The following TENM3 variants were observed in gnomAD, a reference collection of about 807,000 sequenced individuals.
TENM3 encodes teneurin-3.
A neutral mutation model predicts 255.1 loss-of-function variants in TENM3; 63 were observed. The observed-to-expected ratio is 0.25, with a 90% CI of 0.20 to 0.30. TENM3 has a LOEUF of 0.30. Among genes scored for constraint, TENM3 ranks in the 10% least tolerant of loss-of-function variants. TENM3 has a pLI of 1.00. For synonymous variants in TENM3, 1,306 were observed against 1,322.3 expected (o/e 0.99, Z 0.27); for missense variants, 2,929 against 3,461.1 (o/e 0.85, Z 3.86).
the TENM3 span, among the ~76,000 whole-genome samples, chr4:181,840,275 G>A: frequency 6.6e-6 from 1 of 151,852 alleles, no homozygotes; most frequent in African/African-American, 2.4e-5. Context: ...AGACATTTTA[G>A]TATACTTATT....
chr4:181,612,866 A>C, the TENM3 span, among the ~76,000 whole-genome samples: 12 of 152,340 alleles, frequency 7.9e-5, no homozygotes, highest in African/African-American at 1.7e-4. Flanking sequence ...AATAAAAAAG[A>C]TACAACACTA....
At chr4:182,706,667 T>G (rs1758302627) in intron 12 of TENM3, among the ~76,000 whole-genome samples, 1 of 152,140 alleles carries the variant, frequency 6.6e-6, no homozygotes, top group Admixed American at 6.6e-5. Flanking sequence ...AAGCAGATAT[T>G]AACACTCTGC....
intron 3 of TENM3, among the ~76,000 whole-genome samples, chr4:182,351,439 C>T (rs1405643715): frequency 1.3e-5 from 2 of 152,200 alleles, no homozygotes; most frequent in African/African-American, 4.8e-5. Context: ...GGCTCACATT[C>T]TTTCATTCAT....
chr4:181,477,496 T>C, the TENM3 span, among the ~76,000 whole-genome samples: 1 of 152,188 alleles, frequency 6.6e-6, no homozygotes, highest in African/African-American at 2.4e-5. Flanking sequence ...ATATTTGGGA[T>C]ATTTTATTAG....
intron 3 of TENM3, among the ~76,000 whole-genome samples, chr4:182,544,455 C>T (rs1447809155): frequency 6.7e-6 from 1 of 149,704 alleles, no homozygotes; most frequent in African/African-American, 2.5e-5. Context: ...CTCAGTCTCT[C>T]GAGTAGCCGG....
chr4:181,909,098 G>T, the TENM3 span, among the ~76,000 whole-genome samples: 1 of 152,084 alleles, frequency 6.6e-6, no homozygotes, highest in Non-Finnish European at 1.5e-5. Context: ...GCACCTAGAA[G>T]AATTTCTCTC....
At chr4:182,281,938 G>T (rs1027216809) in intron 1 of TENM3, among the ~76,000 whole-genome samples, 1 of 152,066 alleles carries the variant, frequency 6.6e-6, no homozygotes, top group African/African-American at 2.4e-5. Context: ...GTTTCGCCAT[G>T]TTGGCCAGGC....
At chr4:181,555,563 A>C in the TENM3 span, among the ~76,000 whole-genome samples, 1 of 152,218 alleles carries the variant, frequency 6.6e-6, no homozygotes, top group African/African-American at 2.4e-5. Flanking sequence ...TCTGCTTCTA[A>C]CTTAGGCTTT....
At chr4:181,505,071 C>T in the TENM3 span, among the ~76,000 whole-genome samples, 1 of 152,300 alleles carries the variant, frequency 6.6e-6, no homozygotes, top group South Asian at 2.1e-4. Context: ...CTTGTGTTGT[C>T]ATGCACATAA....
the TENM3 span, among the ~76,000 whole-genome samples, chr4:181,994,352 A>G: frequency 5.3e-5 from 8 of 152,134 alleles, no homozygotes; most frequent in Non-Finnish European, 7.4e-5. Context: ...TACAATAAGG[A>G]TGTCTTAAAA....
At chr4:181,849,965 A>T in the TENM3 span, among the ~76,000 whole-genome samples, 5 of 137,926 alleles carry the variant, frequency 3.6e-5, no homozygotes, top group African/African-American at 1.4e-4. Flanking sequence ...ACACACACAC[A>T]CACACACACA....
the TENM3 span, among the ~76,000 whole-genome samples, chr4:181,701,155 T>C: frequency 5.9e-5 from 9 of 152,260 alleles, no homozygotes; most frequent in Non-Finnish European, 7.3e-5. Context: ...TTGTTAAAGG[T>C]AAGGCAGGTC....
At position 182,681,983 on chromosome 4, in the gene TENM3, C is replaced by T. The variant is rs756021272; in HGVS notation, c.2004C>T (p.Asp668=). 5 of 1,613,912 alleles carry T rather than the reference C, an allele frequency of 3.1e-6. No homozygotes were observed. The East Asian group carries it at 6.7e-5, about 22-fold the overall frequency. Residue 668 remains aspartate (D), a synonymous_variant, in exon 11 of 28, where the codon GAC becomes GAT. Coordinates refer to ENST00000511685, the MANE Select transcript of TENM3 (RefSeq NM_001080477.4). Reference sequence around the variant, plus strand: ...AAGAAAGTGGCTCCTGCACGTGTGACCCTAACTGGACTGGCCCAGACTGCT... The same window carrying T: ...AAGAAAGTGGCTCCTGCACGTGTGATCCTAACTGGACTGGCCCAGACTGCT... The part of the protein sequence containing the change: ...YLQESGSCTC[D]PNWTGPDCSN...
At chr4:182,513,776 A>G (rs62337225) in intron 3 of TENM3, among the ~76,000 whole-genome samples, 11,579 of 152,124 alleles carry the variant, frequency 0.076, 500 homozygotes, top group East Asian at 0.11. Context: ...ACTCGCCCAC[A>G]AGTGCACTTT....
At chr4:182,269,227 G>A (rs765089070) in intron 1 of TENM3, among the ~76,000 whole-genome samples, 1 of 152,166 alleles carries the variant, frequency 6.6e-6, no homozygotes, top group Non-Finnish European at 1.5e-5. Context: ...CTTCAGGGGT[G>A]TTTCTGTGAG....
At chr4:182,755,717 G>A (rs1407344912) in intron 22 of TENM3, among the ~76,000 whole-genome samples, 2 of 152,100 alleles carry the variant, frequency 1.3e-5, no homozygotes, top group African/African-American at 4.8e-5. Context: ...GCGGGCGCCT[G>A]TAGTCCCAGC....
chr4:182,668,115 A>C (rs1754876738), intron 6 of TENM3, among the ~76,000 whole-genome samples: 1 of 152,068 alleles, frequency 6.6e-6, no homozygotes, highest in Admixed American at 6.5e-5. Flanking sequence ...TTAACCCCAC[A>C]TTTTGCCCTT....
chr4:182,799,666 A>AGGTGCAGGTGAGCC lies in TENM3; in HGVS notation c.7418_7431dup (p.Arg2478CysfsTer3). ...TTCCTGTCGCTGGGGAAGATGGCCGAGGTGCAGGTGAGCCGGCGCCGGGCC... is the reference window on the plus strand; with the variant it reads ...TTCCTGTCGCTGGGGAAGATGGCCGAGGTGCAGGTGAGCCGGTGCAGGTGAGCCGGCGCCGGGCC... On this transcript the variant is annotated frameshift_variant, in exon 28 of 28. Coordinates refer to ENST00000511685, the MANE Select transcript of TENM3 (RefSeq NM_001080477.4). LOFTEE classifies it high-confidence loss of function. The surrounding 1 kb of genome is among the most constrained non-coding windows in gnomAD (Gnocchi z 4.2). 6.5e-7 allele frequency: 1 copy of AGGTGCAGGTGAGCC among 1,548,454 alleles called. No individual in the cohort carries two copies.
intron 9 of TENM3, 79 bp from the exon 10 acceptor site, chr4:182,680,464 G>C: frequency 6.5e-7 from 1 of 1,534,248 alleles, no homozygotes; most frequent in Non-Finnish European, 9.0e-7. Flanking sequence ...CATATTGCTT[G>C]TTCCAGCGAT....
Sources: allele counts gnomAD v4.1 joint callset (sites outside exome capture counted in the v4.1 genomes callset), GRCh38; gene constraint gnomAD v4.1.1; non-coding constraint Gnocchi (gnomAD v3.1); transcripts MANE v1.5; gene names NCBI Gene and HGNC (gene_info 2026-07-23, HGNC 2026-07-21).